The following CPNE4 variants were observed in gnomAD, a reference collection of about 807,000 sequenced individuals.
CPNE4 encodes copine 4.
CPNE4 carries 25 observed loss-of-function variants against 67.9 expected under a neutral mutation model. The ratio of observed to expected loss-of-function variants is 0.37; its 90% CI spans 0.27 to 0.51. CPNE4 has a LOEUF of 0.51. Ranked by LOEUF, CPNE4 falls within the 20% of genes least tolerant of loss-of-function variation. The pLI, the probability that CPNE4 is intolerant of heterozygous loss-of-function variation, is 0.93. For missense variants in CPNE4, 464 were observed against 690.8 expected (o/e 0.67, Z 3.68); for synonymous variants, 242 against 244.9 (o/e 0.99, Z 0.11).
At chr3:131,875,315 C>T (rs984571720) in intron 2 of CPNE4, among the ~76,000 whole-genome samples, 1 of 152,122 alleles carries the variant, frequency 6.6e-6, no homozygotes, top group East Asian at 1.9e-4. Context: ...ACCCAGCCAT[C>T]CCATTACTGG....
chr3:132,030,192 G>A (rs1222344116), intron 1 of CPNE4, among the ~76,000 whole-genome samples: 1 of 152,228 alleles, frequency 6.6e-6, no homozygotes, highest in Non-Finnish European at 1.5e-5. Flanking sequence ...CTCCACTGCT[G>A]TAATTATCTC....
intron 1 of CPNE4, among the ~76,000 whole-genome samples, chr3:131,934,957 A>T (rs547490418): frequency 4.6e-5 from 7 of 152,324 alleles, no homozygotes; most frequent in Non-Finnish European, 1.0e-4. Context: ...TTCTTCTGTG[A>T]ACAGAAAGAT....
At chr3:131,670,075 T>C (rs181790444) in intron 6 of CPNE4, among the ~76,000 whole-genome samples, 6 of 152,314 alleles carry the variant, frequency 3.9e-5, no homozygotes, top group Non-Finnish European at 8.8e-5. Context: ...AGGATAGGGC[T>C]GCCTTTGCCC....
At chr3:131,995,563 A>G (rs1217261939) in intron 1 of CPNE4, among the ~76,000 whole-genome samples, 2 of 152,204 alleles carry the variant, frequency 1.3e-5, no homozygotes, top group Non-Finnish European at 2.9e-5. Flanking sequence ...AGACACCATG[A>G]AATGAGACCA....
intron 14 of CPNE4, chr3:131,543,031 A>C (rs558539429): frequency 4.2e-6 from 2 of 477,796 alleles, no homozygotes; most frequent in Non-Finnish European, 7.5e-6. Flanking sequence ...TGACAGTTAC[A>C]AAGAAAGAGC....
intron 7 of CPNE4, among the ~76,000 whole-genome samples, chr3:131,602,234 G>A (rs973240165): frequency 6.6e-6 from 1 of 152,122 alleles, no homozygotes; most frequent in Non-Finnish European, 1.5e-5. Context: ...TAGCAATTAT[G>A]TCCTGGCTCC....
At chr3:131,982,392 C>T (rs1286460720) in intron 1 of CPNE4, among the ~76,000 whole-genome samples, 2 of 152,184 alleles carry the variant, frequency 1.3e-5, no homozygotes, top group African/African-American at 4.8e-5. Flanking sequence ...TTATTCATTG[C>T]ACACCTTTTG....
chr3:131,760,755 A>C (rs1252366289), intron 2 of CPNE4, among the ~76,000 whole-genome samples: 1 of 152,154 alleles, frequency 6.6e-6, no homozygotes, highest in Non-Finnish European at 1.5e-5. Flanking sequence ...AAAACACTTA[A>C]ATACGTGACA....
chr3:131,857,029 T>C (rs1298840625), intron 2 of CPNE4, among the ~76,000 whole-genome samples: 1 of 152,092 alleles, frequency 6.6e-6, no homozygotes, highest in East Asian at 1.9e-4. Flanking sequence ...AGTATATACA[T>C]TAGCATCCCT....
At chr3:131,956,572 TAAATGTATAGAA>T (rs1486804165) in intron 1 of CPNE4, among the ~76,000 whole-genome samples, 2 of 143,810 alleles carry the variant, frequency 1.4e-5, no homozygotes, top group African/African-American at 5.2e-5. Flanking sequence ...GAAATTATCA[TAAATGTATAGAA>T]AAATGTATAT....
chr3:131,868,480 C>T (rs2087054120), intron 2 of CPNE4, among the ~76,000 whole-genome samples: 1 of 152,192 alleles, frequency 6.6e-6, no homozygotes, highest in African/African-American at 2.4e-5. Flanking sequence ...CTAGTGACTC[C>T]ATGCATCTGC....
At chr3:132,036,297 G>A (rs986541711), upstream of CPNE4, among the ~76,000 whole-genome samples, 8 of 152,078 alleles carry the variant, frequency 5.3e-5, no homozygotes, top group Middle Eastern at 3.2e-3. Context: ...TAAGTCAATC[G>A]TTGTGACCTT....
chr3:131,748,590 A>T (rs923537070), intron 2 of CPNE4, among the ~76,000 whole-genome samples: 4 of 152,106 alleles, frequency 2.6e-5, no homozygotes, highest in African/African-American at 9.7e-5. Flanking sequence ...TTTAAATAAC[A>T]AATTAAATTT....
intron 2 of CPNE4, among the ~76,000 whole-genome samples, chr3:131,817,359 AG>A (rs1295741605): frequency 6.6e-6 from 1 of 152,192 alleles, no homozygotes; most frequent in African/African-American, 2.4e-5. Context: ...TTCTAGGCAA[AG>A]GAAACAACGG....
chr3:131,727,864 TTTA>T (rs1303922364), intron 2 of CPNE4, among the ~76,000 whole-genome samples: 1 of 152,210 alleles, frequency 6.6e-6, no homozygotes, highest in African/African-American at 2.4e-5. Flanking sequence ...TCTGTGGTCT[TTTA>T]TTGTCTTTAA....
At chr3:131,543,811 A>G (rs576842606) in intron 14 of CPNE4, among the ~76,000 whole-genome samples, 1 of 152,222 alleles carries the variant, frequency 6.6e-6, no homozygotes, top group Non-Finnish European at 1.5e-5. Flanking sequence ...TCTGAAGGCC[A>G]TGTGCCACAA....
Position 131,868,353 on chromosome 3 carries a change from T to G in CPNE4, c.180+36911A>C, listed in dbSNP as rs2087048692. ...GGCAGGCATGCATATCTTTCCTCCT[T>G]CCTTTTTCTTTCTGGCTGAAATGCA... is the stretch of plus-strand genomic sequence containing the variant. On this transcript the variant is annotated intron_variant, in intron 2 of 15. Transcript: ENST00000429747. 2.6e-5 allele frequency among the ~76,000 whole-genome samples: 4 copies of G among 152,162 alleles called. No homozygotes were observed. The South Asian group carries it at 6.2e-4, about 24-fold the overall frequency.
At chr3:132,018,369 A>C (rs557479125) in intron 1 of CPNE4, among the ~76,000 whole-genome samples, 2 of 152,334 alleles carry the variant, frequency 1.3e-5, no homozygotes, top group African/African-American at 4.8e-5. Context: ...ACAATATTTT[A>C]AAACTACTAT....
intron 3 of CPNE4, among the ~76,000 whole-genome samples, chr3:131,717,638 C>T (rs2081734267): frequency 6.6e-6 from 1 of 152,212 alleles, no homozygotes; most frequent in Admixed American, 6.5e-5. Context: ...CTAAGCCAGA[C>T]ACCTGCAAAC....
Sources: gnomAD v4.1 joint callset for allele counts (sites outside exome capture counted in the v4.1 genomes callset) on GRCh38, gnomAD v4.1.1 for gene constraint, MANE v1.5 for transcripts, NCBI Gene and HGNC (gene_info 2026-07-23, HGNC 2026-07-21) for gene names.